The following CLIC5 variants were observed in gnomAD, a reference collection of about 807,000 sequenced individuals.
The protein encoded by CLIC5 is chloride intracellular channel protein 5.
CLIC5 carries 20 observed loss-of-function variants against 24.7 expected under a neutral mutation model. The ratio of observed to expected loss-of-function variants is 0.81; its 90% CI spans 0.57 to 1.18. CLIC5 has a LOEUF of 1.18. CLIC5 is among the 50% of genes most tolerant of loss of function. CLIC5 has a pLI of 0.00. For missense variants in CLIC5, 341 were observed against 326.1 expected (o/e 1.05, Z -0.35); for synonymous variants, 159 against 135.6 (o/e 1.17, Z -1.20).
At chr6:46,084,313 T>A (rs557644261), upstream of CLIC5, among the ~76,000 whole-genome samples, 43 of 152,304 alleles carry the variant, frequency 2.8e-4, no homozygotes, top group African/African-American at 1.0e-3. Flanking sequence ...TTTGATCCTG[T>A]CATTATGATG....
chr6:46,018,037 ACAG>A (rs1767069997), upstream of CLIC5, among the ~76,000 whole-genome samples: 2 of 152,174 alleles, frequency 1.3e-5, no homozygotes, highest in African/African-American at 4.8e-5. Flanking sequence ...AGTCACCTTC[ACAG>A]CTGTACATTC....
the CLIC5 span, among the ~76,000 whole-genome samples, chr6:46,105,299 T>C: frequency 1.3e-5 from 2 of 152,208 alleles, no homozygotes; most frequent in Non-Finnish European, 2.9e-5. Context: ...GGTTAAAATC[T>C]GTTAGAGATT....
At chr6:46,015,955 C>G, upstream of CLIC5, 1 of 969,162 alleles carries the variant, frequency 1.0e-6, no homozygotes, top group Non-Finnish European at 1.2e-6. Context: ...GCAGCTCGGG[C>G]CTGGGCCGGG....
intron 5 of CLIC5, chr6:45,912,215 G>C: frequency 3.0e-6 from 3 of 987,700 alleles, no homozygotes; most frequent in Non-Finnish European, 3.6e-6. Flanking sequence ...TTAGAGGTTT[G>C]CCAGGTTTCT....
At chr6:45,940,928 C>T (rs1409706911) in intron 4 of CLIC5, among the ~76,000 whole-genome samples, 1 of 152,174 alleles carries the variant, frequency 6.6e-6, no homozygotes, top group African/African-American at 2.4e-5. Flanking sequence ...GGACTCAGCT[C>T]CCTTTCAGAA....
chr6:46,039,819 T>C (rs1204827519), intron 1 of CLIC5, among the ~76,000 whole-genome samples: 1 of 152,140 alleles, frequency 6.6e-6, no homozygotes. Context: ...CATAAGGAAA[T>C]GCAGACAATA....
At chr6:45,983,366 C>T (rs772690819) in intron 1 of CLIC5, among the ~76,000 whole-genome samples, 6 of 152,224 alleles carry the variant, frequency 3.9e-5, no homozygotes, top group Non-Finnish European at 7.3e-5. Flanking sequence ...TGTCCCTATA[C>T]TACCTAGTGG....
At chr6:46,081,718 C>T (rs1480298471), upstream of CLIC5, among the ~76,000 whole-genome samples, 1 of 152,126 alleles carries the variant, frequency 6.6e-6, no homozygotes, top group Non-Finnish European at 1.5e-5. Flanking sequence ...ATCATTCAAA[C>T]ATTTTATTTT....
At chr6:45,948,335 T>C (rs973668435) in intron 3 of CLIC5, among the ~76,000 whole-genome samples, 1 of 152,202 alleles carries the variant, frequency 6.6e-6, no homozygotes, top group African/African-American at 2.4e-5. Flanking sequence ...TCATTCGTCC[T>C]GCCTGGACAG....
At position 45,920,733 on chromosome 6, in the gene CLIC5, G is replaced by A. The variant is rs570446072; in HGVS notation, c.407-6324C>T. On this transcript the variant is annotated intron_variant, in intron 4 of 5. Coordinates refer to ENST00000339561, the MANE Select transcript of CLIC5 (RefSeq NM_016929.5). ...ACACTGAGAGAGATCAGATGGACTA[G>A]GCCAAAGATCCAGGAGCAAGCGGGA... The A allele has an allele frequency of 1.0e-5, 9 of 858,090 alleles. No homozygotes were observed. The Admixed American group carries it at 5.0e-4, about 47-fold the overall frequency. The allele number at this position is 858,090 out of a possible 1,614,324, so 53.2% of individuals were successfully genotyped here.
intron 1 of CLIC5, among the ~76,000 whole-genome samples, chr6:46,040,058 A>G (rs967939381): frequency 1.3e-5 from 2 of 152,204 alleles, no homozygotes; most frequent in Non-Finnish European, 2.9e-5. Context: ...TCAGTAGCAT[A>G]CAGCTATTAT....
At chr6:45,987,032 C>T (rs1347779562) in intron 1 of CLIC5, among the ~76,000 whole-genome samples, 2 of 151,946 alleles carry the variant, frequency 1.3e-5, no homozygotes, top group Non-Finnish European at 2.9e-5. Context: ...CTTGTGTTGC[C>T]CATGGAACTG....
Position 45,927,542 on chromosome 6 carries a change from G to A in CLIC5, c.407-13133C>T, listed in dbSNP as rs77307694. Among the ~76,000 whole-genome samples the A allele has an allele frequency of 2.3e-3, 343 of 152,268 alleles. 3 individuals carry two copies. The highest frequency in any genetic ancestry group is 0.015 in the Admixed American group (223 of 15,300). On this transcript the variant is annotated intron_variant, in intron 4 of 5. Coordinates refer to ENST00000339561, the MANE Select transcript of CLIC5 (RefSeq NM_016929.5). ...GGACGTAGATTTACAAAGACAAAACGTATCTTGCCTCCCCCCTTCTACCAG... is the reference window on the plus strand; with the variant it reads ...GGACGTAGATTTACAAAGACAAAACATATCTTGCCTCCCCCCTTCTACCAG...
intron 1 of CLIC5, among the ~76,000 whole-genome samples, chr6:45,970,039 A>C (rs1298799435): frequency 6.6e-6 from 1 of 152,022 alleles, no homozygotes; most frequent in African/African-American, 2.4e-5. Context: ...TGCCATCTTC[A>C]AGGTCACTCT....
rs1763597880 is a variant in CLIC5, at chr6:45,928,660, T to C, written c.406+12887A>G. Among the ~76,000 whole-genome samples, 5 of 152,242 alleles carry C rather than the reference T, an allele frequency of 3.3e-5. No individual in the cohort carries two copies. The South Asian group carries it at 6.2e-4, about 19-fold the overall frequency. On this transcript the variant is annotated intron_variant, in intron 4 of 5. Coordinates refer to ENST00000339561, the MANE Select transcript of CLIC5 (RefSeq NM_016929.5). The stretch of plus-strand genomic sequence containing the variant: ...TTGTGTCCCATCATGAATATAATTT[T>C]GCATGTAAGCACTTTCTTTTAGATT...
intron 6 of CLIC5, among the ~76,000 whole-genome samples, chr6:45,887,700 C>A (rs539485698): frequency 6.6e-6 from 1 of 152,298 alleles, no homozygotes; most frequent in East Asian, 1.9e-4. Context: ...TTAGGGTTCA[C>A]CCTCTAAAAC....
intron 1 of CLIC5, among the ~76,000 whole-genome samples, chr6:46,010,442 G>A (rs977300641): frequency 3.3e-5 from 5 of 152,136 alleles, no homozygotes; most frequent in African/African-American, 7.2e-5. Flanking sequence ...TGGTGAACCC[G>A]AGCCTGACAC....
At chr6:46,064,321 G>A (rs1762381050) in intron 1 of CLIC5, among the ~76,000 whole-genome samples, 1 of 151,896 alleles carries the variant, frequency 6.6e-6, no homozygotes. Flanking sequence ...GAAATCTCTA[G>A]TAAAGATAGT....
intron 2 of CLIC5, among the ~76,000 whole-genome samples, chr6:45,952,293 A>G (rs139655585): frequency 6.6e-6 from 1 of 152,350 alleles, no homozygotes; most frequent in African/African-American, 2.4e-5. Flanking sequence ...CTATATCATT[A>G]GCATTGGATG....
Sources: allele counts gnomAD v4.1 joint callset (sites outside exome capture counted in the v4.1 genomes callset), GRCh38; gene constraint gnomAD v4.1.1; transcripts MANE v1.5; gene names NCBI Gene and HGNC (gene_info 2026-07-23, HGNC 2026-07-21).